The following MMP26 variants were observed in gnomAD, a reference collection of about 807,000 sequenced individuals.
MMP26 encodes matrix metallopeptidase 26, also known as matrix metalloproteinase-26.
Under a neutral mutation model 31.0 loss-of-function variants are expected in MMP26, and 33 were observed. The ratio of observed to expected loss-of-function variants is 1.06; its 90% CI spans 0.81 to 1.42. The LOEUF (loss-of-function observed/expected upper bound fraction) is 1.42. Ranked by LOEUF, MMP26 falls within the 40% of genes most tolerant of loss-of-function variation. The pLI, the probability that MMP26 is intolerant of heterozygous loss-of-function variation, is 0.00. For synonymous variants in MMP26, 122 were observed against 114.9 expected, an observed-to-expected ratio of 1.06 and a Z score of -0.40; for missense variants, 347 against 316.1, an observed-to-expected ratio of 1.10 and a Z score of -0.74.
At chr11:4,812,081 G>A (rs1192243412) in intron 2 of MMP26, among the ~76,000 whole-genome samples, 2 of 152,110 alleles carry the variant, frequency 1.3e-5, no homozygotes, top group African/African-American at 2.4e-5. Flanking sequence ...TTATAGTCAC[G>A]CCAATCTGCA....
At chr11:4,959,187 G>C (rs1309853453) in intron 2 of MMP26, among the ~76,000 whole-genome samples, 1 of 142,202 alleles carries the variant, frequency 7.0e-6, no homozygotes, top group Non-Finnish European at 1.5e-5. Flanking sequence ...GCAGTGAGCT[G>C]AGATCTCGCC....
intron 2 of MMP26, among the ~76,000 whole-genome samples, chr11:4,940,944 C>T (rs1425516841): frequency 6.6e-6 from 1 of 152,168 alleles, no homozygotes; most frequent in African/African-American, 2.4e-5. Context: ...AAATTATACT[C>T]CCCTGTCTAT....
Position 4,822,143 on chromosome 11 carries a change from A to T in MMP26, c.-145+54802A>T, listed in dbSNP as rs766075438. On this transcript the variant is annotated intron_variant, in intron 2 of 7. Transcript: ENST00000380390. ...TCAGAAGAGAGGCGGAAAGCCTTCA[A>T]CACCTGCACATCCCACATCAGTGCT... 5 of 1,613,658 alleles carry T rather than the reference A, an allele frequency of 3.1e-6. No homozygotes were observed. The South Asian group carries it at 5.5e-5, about 18-fold the overall frequency.
chr11:4,766,418 G>T (rs764319576), intron 1 of MMP26, among the ~76,000 whole-genome samples: 21 of 152,084 alleles, frequency 1.4e-4, no homozygotes, highest in Non-Finnish European at 2.2e-4. Flanking sequence ...GCTTCTACTC[G>T]GTGTTTCATG....
intron 2 of MMP26, chr11:4,849,246 A>G (rs922788268): frequency 6.4e-7 from 1 of 1,554,626 alleles, no homozygotes; most frequent in Non-Finnish European, 8.7e-7. Context: ...AACCTGAAAA[A>G]TGATTAGAAA....
intron 2 of MMP26, among the ~76,000 whole-genome samples, chr11:4,958,220 T>C (rs1165233058): frequency 6.6e-6 from 1 of 152,212 alleles, no homozygotes; most frequent in East Asian, 1.9e-4. Flanking sequence ...TCCCCTCTTC[T>C]TAAAGCCCTT....
At position 4,992,050 on chromosome 11, in the gene MMP26, C is replaced by T. The variant is rs1317397448; in HGVS notation, c.682C>T (p.Pro228Ser). Residue 228 changes from proline to serine, a missense_variant, in exon 7 of 8, where the codon CCC becomes TCC. Pro to Ser is a moderately conservative substitution (Grantham distance 74). Transcript: ENST00000380390. ...HSGNQSSIMY[P>S]TYWYHDPRTF... ...TGGGAATCAGAGCTCCATAATGTAC[C>T]CCACTTACTGGTATCACGACCCTAG... 2 of 1,613,862 alleles carry T rather than the reference C, an allele frequency of 1.2e-6. No homozygotes were observed. The highest frequency in any genetic ancestry group is 1.7e-6 in the Non-Finnish European group (2 of 1,179,960).
intron 1 of MMP26, among the ~76,000 whole-genome samples, chr11:4,717,231 A>G (rs929373459): frequency 6.6e-6 from 1 of 152,056 alleles, no homozygotes; most frequent in African/African-American, 2.4e-5. Flanking sequence ...GAACTATCCT[A>G]TTATTTCCTT....
chr11:4,971,088 C>A (rs1846660188), intron 2 of MMP26, among the ~76,000 whole-genome samples: 1 of 152,050 alleles, frequency 6.6e-6, no homozygotes, highest in Non-Finnish European at 1.5e-5. Context: ...TTCCAGCTCA[C>A]AAATCAGGAA....
intron 1 of MMP26, chr11:4,752,046 C>T (rs980854962): frequency 2.0e-5 from 3 of 152,000 alleles, no homozygotes; most frequent in African/African-American, 7.3e-5. Flanking sequence ...TATGAATTCC[C>T]TTGGAACATA....
intron 1 of MMP26, among the ~76,000 whole-genome samples, chr11:4,757,627 T>C (rs1328130848): frequency 6.6e-6 from 1 of 151,758 alleles, no homozygotes; most frequent in East Asian, 1.9e-4. Flanking sequence ...CAATTAAAAA[T>C]GGGCAAAATA....
intron 1 of MMP26, among the ~76,000 whole-genome samples, chr11:4,726,787 G>A (rs187193780): frequency 2.4e-4 from 36 of 152,150 alleles, no homozygotes; most frequent in Admixed American, 1.9e-3. Flanking sequence ...TGGGAGGATC[G>A]CTTCAGGCCA....
At chr11:4,925,323 G>A (rs898981318) in intron 2 of MMP26, among the ~76,000 whole-genome samples, 1 of 152,072 alleles carries the variant, frequency 6.6e-6, no homozygotes, top group Admixed American at 6.6e-5. Context: ...GCCATTAGAA[G>A]AGAACATTAA....
chr11:4,915,486 G>A, intron 2 of MMP26: 2 of 1,614,142 alleles, frequency 1.2e-6, no homozygotes, highest in Middle Eastern at 1.7e-4. Context: ...GGTTCATGAA[G>A]TGAGCGCTCT....
At chr11:4,733,004 G>A (rs926753049) in intron 1 of MMP26, among the ~76,000 whole-genome samples, 2 of 152,208 alleles carry the variant, frequency 1.3e-5, no homozygotes. Flanking sequence ...CCAGTTCACT[G>A]AGGGATATGT....
intron 1 of MMP26, among the ~76,000 whole-genome samples, chr11:4,729,249 C>G: frequency 6.6e-6 from 1 of 152,084 alleles, no homozygotes; most frequent in Middle Eastern, 3.2e-3. Context: ...GAAGCCACTA[C>G]AAATATTTTC....
chr11:4,979,631 G>A (rs755540307), intron 2 of MMP26, among the ~76,000 whole-genome samples: 13 of 152,080 alleles, frequency 8.5e-5, no homozygotes, highest in Non-Finnish European at 1.5e-4. Flanking sequence ...CCATACCCCA[G>A]GGTGGCTGAT....
At chr11:4,726,029 T>C (rs541283181) in intron 1 of MMP26, among the ~76,000 whole-genome samples, 10 of 152,050 alleles carry the variant, frequency 6.6e-5, no homozygotes, top group Non-Finnish European at 1.5e-4. Flanking sequence ...CAGAAAGAAA[T>C]AGAGCACATT....
In MMP26 at chr11:4,963,622, G is replaced by A. The variant is rs147442662; in HGVS notation, c.-144-24446G>A. On this transcript the variant is annotated intron_variant, in intron 2 of 7. Coordinates refer to ENST00000380390, the MANE Select transcript of MMP26 (RefSeq NM_021801.5). ...GATCTTTGTCCTTGCTTTTTATGACGTGTTATTTACAGAGGTTCAATAAGA... is the reference window on the plus strand; with the variant it reads ...GATCTTTGTCCTTGCTTTTTATGACATGTTATTTACAGAGGTTCAATAAGA... 2.1e-3 allele frequency among the ~76,000 whole-genome samples: 317 copies of A among 152,142 alleles called. 1 individual carries two copies. Among genetic ancestry groups the A allele is most frequent in the African/African-American group, 7.3e-3 (304 of 41,530 alleles).
Sources: gnomAD v4.1 joint callset for allele counts (sites outside exome capture counted in the v4.1 genomes callset) on GRCh38, gnomAD v4.1.1 for gene constraint, MANE v1.5 for transcripts, NCBI Gene and HGNC (gene_info 2026-07-23, HGNC 2026-07-21) for gene names.